PLEKHG1: variants seen among roughly 807,000 people sequenced by gnomAD.
The protein encoded by PLEKHG1 is pleckstrin homology and RhoGEF domain containing G1.
In PLEKHG1, 44 loss-of-function variants were observed where a neutral mutation model predicts 100.8. The ratio of observed to expected loss-of-function variants is 0.44; its 90% CI spans 0.34 to 0.56. The LOEUF is 0.56. Among genes scored for constraint, PLEKHG1 ranks in the 20% least tolerant of loss-of-function variants. The pLI is 0.01. For synonymous variants in PLEKHG1, 640 were observed against 662.5 expected, an observed-to-expected ratio of 0.97 and a Z score of 0.52; for missense variants, 1,545 against 1,720.9, an observed-to-expected ratio of 0.90 and a Z score of 1.81.
At position 150,728,876 on chromosome 6, in the gene PLEKHG1, A is replaced by G. The variant is rs543479328; in HGVS notation, c.-98-4708A>G. ...GCACCATTGCACTCCAGCCTGGGCA[A>G]CAAGAGCAAAACTCTGTCTCAAAAA... On this transcript the variant is annotated intron_variant, in intron 1 of 15. Transcript: ENST00000358517. 2.0e-5 allele frequency among the ~76,000 whole-genome samples: 3 copies of G among 152,348 alleles called. No individual in the cohort carries two copies. In the South Asian group the frequency reaches 6.2e-4, roughly 32 times the overall value.
At chr6:150,801,437 CT>C (rs35282307) in intron 6 of PLEKHG1, among the ~76,000 whole-genome samples, 57,805 of 108,230 alleles carry the variant, frequency 0.53, 12,522 homozygotes, top group Middle Eastern at 0.6. Context: ...CTTTTCTTTT[CT>C]TTTTTTTTTT....
chr6:150,764,132 T>TTTTTTTTTTTA (rs1784334703), intron 2 of PLEKHG1, among the ~76,000 whole-genome samples: 1 of 151,734 alleles, frequency 6.6e-6, no homozygotes. Context: ...TCTTTTTTTT[T>TTTTTTTTTTTA]TTAAGACAGA....
intron 5 of PLEKHG1, among the ~76,000 whole-genome samples, chr6:150,798,392 C>A (rs1253885056): frequency 6.6e-6 from 1 of 152,084 alleles, no homozygotes; most frequent in Non-Finnish European, 1.5e-5. Flanking sequence ...CTTAAACTTC[C>A]AAAATTGCAA....
intron 3 of PLEKHG1, among the ~76,000 whole-genome samples, chr6:150,670,791 T>C (rs891989087): frequency 6.6e-6 from 1 of 152,144 alleles, no homozygotes; most frequent in African/African-American, 2.4e-5. Context: ...ATTGTTGTTG[T>C]TGTTATATGA....
In PLEKHG1 at chr6:150,737,184, G is replaced by A. The variant is rs148441869; in HGVS notation, c.411+3092G>A. 8.2e-3 allele frequency among the ~76,000 whole-genome samples: 1,241 copies of A among 152,202 alleles called. 6 individuals carry two copies. The highest frequency in any genetic ancestry group is 0.012 in the Non-Finnish European group (814 of 68,020). On this transcript the variant is annotated intron_variant, in intron 2 of 15. Transcript: ENST00000358517. ...TCCAGATCACAACTTTATCAGAGTG[G>A]CTAGACCACTTTTATCGAGTTCTTT... is the stretch of plus-strand genomic sequence containing the variant.
chr6:150,789,389 G>A (rs974328756), intron 4 of PLEKHG1, among the ~76,000 whole-genome samples: 2 of 152,142 alleles, frequency 1.3e-5, no homozygotes, highest in African/African-American at 4.8e-5. Context: ...TGACTTTTAT[G>A]TGAAACCATC....
At chr6:150,733,869 C>T in exon 2 of PLEKHG1, 1 of 1,614,214 alleles carries the variant, frequency 6.2e-7, no homozygotes, top group Non-Finnish European at 8.5e-7. Context: ...AGGCCGTTTT[C>T]CAGCAGCGAG....
exon 8 of PLEKHG1, chr6:150,809,125 T>C: frequency 6.2e-7 from 1 of 1,613,956 alleles, no homozygotes; most frequent in South Asian, 1.1e-5. Context: ...GTTTGCTCAC[T>C]AACTGGAAGG....
In PLEKHG1 at chr6:150,621,282, A is replaced by G. The variant is rs182252758; in HGVS notation, c.-203-16798A>G. 4.1e-3 allele frequency among the ~76,000 whole-genome samples: 632 copies of G among 152,312 alleles called. 6 individuals carry two copies. Among genetic ancestry groups the G allele is most frequent in the African/African-American group, 0.012 (498 of 41,578 alleles). On this transcript the variant is annotated intron_variant, in intron 1 of 3. Coordinates refer to the PLEKHG1 transcript ENST00000367326. ...GGCTGTTGCTTTGCTAGGAGATAAT[A>G]AAAGTCACAACCTCTCTGAATATCA... is the stretch of plus-strand genomic sequence containing the variant.
intron 15 of PLEKHG1, among the ~76,000 whole-genome samples, chr6:150,836,270 C>G (rs1777216296): frequency 2.0e-5 from 3 of 152,064 alleles, no homozygotes; most frequent in African/African-American, 7.2e-5. Flanking sequence ...CCCAGCTACT[C>G]TGGAGGCTGA....
intron 3 of PLEKHG1, among the ~76,000 whole-genome samples, chr6:150,677,499 A>T (rs1779801307): frequency 6.6e-6 from 1 of 152,158 alleles, no homozygotes; most frequent in South Asian, 2.1e-4. Context: ...TTCATATGTC[A>T]TCCCTTCTAG....
At chr6:150,713,267 T>C (rs1781302154) in intron 3 of PLEKHG1, among the ~76,000 whole-genome samples, 1 of 152,176 alleles carries the variant, frequency 6.6e-6, no homozygotes. Flanking sequence ...CTTCATTGCC[T>C]TCTTTAGTTG....
chr6:150,781,507 A>G (rs1467190999), intron 3 of PLEKHG1, among the ~76,000 whole-genome samples: 1 of 150,698 alleles, frequency 6.6e-6, no homozygotes, highest in Admixed American at 6.6e-5. Flanking sequence ...TCCATCTCCA[A>G]AAAAAAAAGA....
chr6:150,655,214 G>C (rs1778916984), intron 3 of PLEKHG1, among the ~76,000 whole-genome samples: 1 of 152,226 alleles, frequency 6.6e-6, no homozygotes, highest in Admixed American at 6.5e-5. Context: ...CATTGTGGAA[G>C]ACGATGTAGC....
At chr6:150,809,427 G>A in exon 9 of PLEKHG1, 1 of 1,613,932 alleles carries the variant, frequency 6.2e-7, no homozygotes, top group East Asian at 2.2e-5. Context: ...GAGCCGCTCA[G>A]CTTCAGCGTC....
At chr6:150,716,471 T>C (rs1781448731), upstream of PLEKHG1, among the ~76,000 whole-genome samples, 1 of 152,232 alleles carries the variant, frequency 6.6e-6, no homozygotes, top group African/African-American at 2.4e-5. Flanking sequence ...AACCCAAAAA[T>C]GTCTGCATGC....
At chr6:150,649,877 C>T (rs1474522923) in intron 2 of PLEKHG1, among the ~76,000 whole-genome samples, 5 of 152,194 alleles carry the variant, frequency 3.3e-5, no homozygotes, top group East Asian at 3.9e-4. Context: ...CCGGGCGTGG[C>T]GGCGTGTGCC....
At chr6:150,712,545 G>A (rs1781278096) in intron 3 of PLEKHG1, among the ~76,000 whole-genome samples, 1 of 152,124 alleles carries the variant, frequency 6.6e-6, no homozygotes, top group Non-Finnish European at 1.5e-5. Flanking sequence ...ATTCAGTAAT[G>A]TTTATTCAGA....
chr6:150,791,110 T>G (rs1785951336), intron 4 of PLEKHG1, among the ~76,000 whole-genome samples: 1 of 152,180 alleles, frequency 6.6e-6, no homozygotes, highest in Non-Finnish European at 1.5e-5. Context: ...CAAAGTGTGG[T>G]CTTGGACCTG....
Sources: gnomAD v4.1 joint callset for allele counts (sites outside exome capture counted in the v4.1 genomes callset) on GRCh38, gnomAD v4.1.1 for gene constraint, MANE v1.5 for transcripts, NCBI Gene and HGNC (gene_info 2026-07-23, HGNC 2026-07-21) for gene names.